Variants in PPP2R2B observed in about 807,000 individuals in gnomAD.
The protein encoded by PPP2R2B is serine/threonine-protein phosphatase 2A 55 kDa regulatory subunit B beta isoform.
A neutral mutation model predicts 46.0 loss-of-function variants in PPP2R2B; 5 were observed. The ratio of observed to expected loss-of-function variants is 0.11; its 90% CI spans 0.06 to 0.23. The LOEUF is 0.23. PPP2R2B is among the 10% of genes least tolerant of loss of function. The pLI is 1.00. For synonymous variants in PPP2R2B, 215 were observed against 206.7 expected, an observed-to-expected ratio of 1.04 and a Z score of -0.34; for missense variants, 367 against 575.0, an observed-to-expected ratio of 0.64 and a Z score of 3.70.
chr5:146,926,882 G>A (rs892582720), intron 1 of PPP2R2B, among the ~76,000 whole-genome samples: 2 of 152,222 alleles, frequency 1.3e-5, no homozygotes, highest in East Asian at 3.9e-4. Context: ...GATCACAACT[G>A]CAACTTCAGG....
chr5:146,613,839 G>A (rs1356285558), intron 7 of PPP2R2B, among the ~76,000 whole-genome samples: 2 of 142,070 alleles, frequency 1.4e-5, no homozygotes, highest in African/African-American at 5.8e-5. Flanking sequence ...CACTGCTCAA[G>A]GAAATAAAAG....
intron 5 of PPP2R2B, among the ~76,000 whole-genome samples, chr5:146,679,075 C>T (rs1321923365): frequency 1.5e-4 from 11 of 72,316 alleles, no homozygotes; most frequent in East Asian, 4.7e-4. Flanking sequence ...AAAAAGAGCC[C>T]GCATCGCCAA....
At chr5:146,841,465 T>C (rs924920444) in intron 2 of PPP2R2B, among the ~76,000 whole-genome samples, 1 of 152,112 alleles carries the variant, frequency 6.6e-6, no homozygotes, top group Non-Finnish European at 1.5e-5. Context: ...TTGTGAAAAT[T>C]CCTCATTCCT....
At chr5:146,769,454 T>G (rs1301341919) in intron 2 of PPP2R2B, among the ~76,000 whole-genome samples, 6 of 152,230 alleles carry the variant, frequency 3.9e-5, no homozygotes, top group Non-Finnish European at 7.3e-5. Flanking sequence ...TATCGTAAAC[T>G]ATAATCGTTT....
chr5:146,820,061 T>C (rs1177406886), intron 2 of PPP2R2B, among the ~76,000 whole-genome samples: 3 of 152,168 alleles, frequency 2.0e-5, no homozygotes, highest in African/African-American at 7.2e-5. Context: ...TTACCAGAAA[T>C]AGGGGATTGG....
At chr5:146,656,933 C>T (rs547591609) in intron 5 of PPP2R2B, among the ~76,000 whole-genome samples, 16 of 152,274 alleles carry the variant, frequency 1.1e-4, no homozygotes, top group Admixed American at 3.9e-4. Context: ...TTATCTTTCC[C>T]GCCTCTCCTC....
At chr5:146,628,821 C>T (rs1471392938) in intron 7 of PPP2R2B, among the ~76,000 whole-genome samples, 1 of 152,200 alleles carries the variant, frequency 6.6e-6, no homozygotes, top group Admixed American at 6.5e-5. Flanking sequence ...ATGATCACTT[C>T]ACCCCTCTCA....
At chr5:146,828,602 C>A (rs1156761223) in intron 2 of PPP2R2B, among the ~76,000 whole-genome samples, 1 of 152,200 alleles carries the variant, frequency 6.6e-6, no homozygotes, top group Non-Finnish European at 1.5e-5. Context: ...AGGCCCAAGG[C>A]TGTAGAGACA....
intron 1 of PPP2R2B, among the ~76,000 whole-genome samples, chr5:147,044,276 G>A (rs1269154845): frequency 6.6e-6 from 1 of 152,096 alleles, no homozygotes; most frequent in Non-Finnish European, 1.5e-5. Flanking sequence ...GGCATACTTG[G>A]CATTGTCCAG....
chr5:146,810,554 A>G (rs1757467950), intron 2 of PPP2R2B, among the ~76,000 whole-genome samples: 2 of 152,130 alleles, frequency 1.3e-5, no homozygotes, highest in Non-Finnish European at 2.9e-5. Flanking sequence ...TAGAGCAAGT[A>G]ATTTGCCCAA....
chr5:146,597,299 A>G (rs759013235), intron 8 of PPP2R2B, among the ~76,000 whole-genome samples: 1 of 152,066 alleles, frequency 6.6e-6, no homozygotes, highest in Non-Finnish European at 1.5e-5. Flanking sequence ...TTCCTTGGTC[A>G]TATTATGAAC....
chr5:146,878,913 G>T, upstream of PPP2R2B: 3 of 1,146,660 alleles, frequency 2.6e-6, no homozygotes, highest in Non-Finnish European at 3.3e-6. This position sits in a 1 kb window ranked among gnomAD's most constrained non-coding sequence, Gnocchi z 4.5. Context: ...ATCGGCACCT[G>T]GGCAGCAAGC....
In PPP2R2B at chr5:146,708,348, C is replaced by A. The variant is rs1273198066; in HGVS notation, c.71-7206G>T. Among the ~76,000 whole-genome samples the A allele has an allele frequency of 2.2e-5, 3 of 133,616 alleles. No homozygotes were observed. The South Asian group carries it at 7.2e-4, about 32-fold the overall frequency. The allele number at this position is 133,616 out of a possible 152,430, so 87.7% of individuals were successfully genotyped here. On this transcript the variant is annotated intron_variant, in intron 2 of 9. Coordinates refer to ENST00000394411, the MANE Select transcript of PPP2R2B (RefSeq NM_181675.4). Reference sequence around the variant, plus strand: ...CTCACACCTGGGCGACAGAGCCAGACTTGGTCTCAAAAAAAAAAAAAACAC... The same window carrying A: ...CTCACACCTGGGCGACAGAGCCAGAATTGGTCTCAAAAAAAAAAAAAACAC...
At chr5:146,629,639 G>A (rs1774289377) in intron 7 of PPP2R2B, among the ~76,000 whole-genome samples, 1 of 152,026 alleles carries the variant, frequency 6.6e-6, no homozygotes, top group Non-Finnish European at 1.5e-5. Context: ...CAAGTGCTCT[G>A]CTCTGGCCCA....
chr5:146,728,231 G>T (rs3906861), intron 2 of PPP2R2B, among the ~76,000 whole-genome samples: 1 of 137,460 alleles, frequency 7.3e-6, no homozygotes, highest in Non-Finnish European at 1.5e-5. Flanking sequence ...TGTAGCAAAT[G>T]TTACCTATGA....
chr5:146,736,768 G>A (rs1251633674), intron 2 of PPP2R2B, among the ~76,000 whole-genome samples: 1 of 152,142 alleles, frequency 6.6e-6, no homozygotes, highest in African/African-American at 2.4e-5. Flanking sequence ...ACAAAAGCAG[G>A]ATTGCAGCTT....
intron 2 of PPP2R2B, among the ~76,000 whole-genome samples, chr5:146,831,185 A>T (rs1323897156): frequency 1.3e-5 from 2 of 152,172 alleles, no homozygotes; most frequent in Admixed American, 1.3e-4. Flanking sequence ...TATAAAAAAA[A>T]AGTTAACCTT....
At chr5:147,058,114 T>C (rs1757146043), upstream of PPP2R2B, among the ~76,000 whole-genome samples, 1 of 152,228 alleles carries the variant, frequency 6.6e-6, no homozygotes, top group South Asian at 2.1e-4. Flanking sequence ...CCCTACTGCC[T>C]CACCTAGTGC....
At chr5:146,876,844 C>T (rs1458945194) in intron 2 of PPP2R2B, among the ~76,000 whole-genome samples, 1 of 152,140 alleles carries the variant, frequency 6.6e-6, no homozygotes, top group Non-Finnish European at 1.5e-5. Flanking sequence ...GCCACCTTTA[C>T]CCCCAGATGT....
Sources: allele counts gnomAD v4.1 joint callset (sites outside exome capture counted in the v4.1 genomes callset), GRCh38; gene constraint gnomAD v4.1.1; non-coding constraint Gnocchi (gnomAD v3.1); transcripts MANE v1.5; gene names NCBI Gene and HGNC (gene_info 2026-07-23, HGNC 2026-07-21).